The following RORA variants were observed in gnomAD, a reference collection of about 807,000 sequenced individuals.
RORA encodes nuclear receptor ROR-alpha.
A neutral mutation model predicts 69.5 loss-of-function variants in RORA; 7 were observed. The ratio of observed to expected loss-of-function variants is 0.10; its 90% CI spans 0.06 to 0.19. The LOEUF is 0.19. Ranked by LOEUF, RORA falls within the 10% of genes least tolerant of loss-of-function variation. The pLI is 1.00. For synonymous variants in RORA, 261 were observed against 240.8 expected, an observed-to-expected ratio of 1.08 and a Z score of -0.78; for missense variants, 457 against 663.0, an observed-to-expected ratio of 0.69 and a Z score of 3.41.
rs537787457 is a variant in RORA, at chr15:61,210,898, C to A, written c.166+18155G>T. Among the ~76,000 whole-genome samples the A allele has an allele frequency of 2.0e-5, 3 of 152,364 alleles. No individual in the cohort carries two copies. In the South Asian group the frequency reaches 6.2e-4, roughly 32 times the overall value. ...CAGCTATGATTCTCTTCCTACTCTT[C>A]TGCACAGAGAGGCCCTGACCCTCAG... On this transcript the variant is annotated intron_variant, in intron 1 of 10. Coordinates refer to ENST00000335670, the MANE Select transcript of RORA (RefSeq NM_134261.3).
At chr15:60,671,788 T>C (rs557917444) in intron 2 of RORA, among the ~76,000 whole-genome samples, 16 of 151,866 alleles carry the variant, frequency 1.1e-4, no homozygotes, top group Middle Eastern at 3.4e-3. Context: ...ATTTTTGTAT[T>C]TTTAGTAGCG....
intron 1 of RORA, among the ~76,000 whole-genome samples, chr15:61,160,233 G>T (rs2079482436): frequency 6.6e-6 from 1 of 152,204 alleles, no homozygotes; most frequent in African/African-American, 2.4e-5. Context: ...CAGCAAAGTT[G>T]CATAAACCTG....
intron 1 of RORA, among the ~76,000 whole-genome samples, chr15:60,732,099 A>C (rs1257198028): frequency 3.3e-5 from 5 of 152,226 alleles, no homozygotes; most frequent in Admixed American, 3.3e-4. Context: ...CTGGGTACAC[A>C]GAGTTTTCAA....
chr15:60,519,475 C>T lies in RORA; in HGVS notation c.283-4718G>A, dbSNP rs564445362. 2.6e-5 allele frequency among the ~76,000 whole-genome samples: 4 copies of T among 152,308 alleles called. No individual in the cohort carries two copies. In the East Asian group the frequency reaches 5.8e-4, roughly 22 times the overall value. ...AGTTTAACTCCAGAACTTACACTGT[C>T]ATCTTGTTTTGTTTTTCTGCTTCTC... On this transcript the variant is annotated intron_variant, in intron 3 of 10. Transcript: ENST00000335670.
intron 1 of RORA, among the ~76,000 whole-genome samples, chr15:60,883,274 A>T (rs1409385333): frequency 2.0e-5 from 3 of 152,216 alleles, no homozygotes; most frequent in African/African-American, 7.2e-5. Context: ...ATTACGAATC[A>T]TAGGAAAAGG....
intron 1 of RORA, among the ~76,000 whole-genome samples, chr15:60,963,471 T>C (rs1336042128): frequency 1.3e-5 from 2 of 152,134 alleles, no homozygotes; most frequent in Non-Finnish European, 2.9e-5. Context: ...TTATGTTAAT[T>C]TCTCTTGGGC....
At chr15:61,225,414 G>A (rs1037098984) in intron 1 of RORA, among the ~76,000 whole-genome samples, 1 of 152,122 alleles carries the variant, frequency 6.6e-6, no homozygotes, top group Admixed American at 6.5e-5. Context: ...AAAACTGAAG[G>A]GGGCAAGAGA....
intron 1 of RORA, among the ~76,000 whole-genome samples, chr15:60,879,605 G>C (rs536425861): frequency 6.6e-6 from 1 of 152,234 alleles, no homozygotes; most frequent in South Asian, 2.1e-4. Flanking sequence ...AAAAAGAACA[G>C]TTAGTTTCTA....
intron 1 of RORA, among the ~76,000 whole-genome samples, chr15:60,778,621 G>A (rs1352467796): frequency 6.6e-6 from 1 of 152,156 alleles, no homozygotes; most frequent in East Asian, 1.9e-4. Flanking sequence ...GGCCTTGAAG[G>A]TAGGGGGTCA....
At chr15:61,158,038 C>G (rs560123736) in intron 1 of RORA, among the ~76,000 whole-genome samples, 14 of 152,256 alleles carry the variant, frequency 9.2e-5, no homozygotes, top group African/African-American at 2.6e-4. Flanking sequence ...AAGCCCAACC[C>G]CAGCTGCACA....
chr15:60,987,747 T>A (rs1894249223), intron 1 of RORA, among the ~76,000 whole-genome samples: 1 of 152,178 alleles, frequency 6.6e-6, no homozygotes, highest in South Asian at 2.1e-4. Context: ...TTGTGATAAG[T>A]ACTGGGCTGC....
At chr15:61,072,005 C>A (rs760689162) in intron 1 of RORA, among the ~76,000 whole-genome samples, 1 of 151,952 alleles carries the variant, frequency 6.6e-6, no homozygotes, top group African/African-American at 2.4e-5. Context: ...TCCTCTGATT[C>A]TTTTTACTAT....
At chr15:60,994,913 G>A (rs1894486725) in intron 1 of RORA, among the ~76,000 whole-genome samples, 1 of 152,136 alleles carries the variant, frequency 6.6e-6, no homozygotes, top group Admixed American at 6.5e-5. Flanking sequence ...GCATTGGGGT[G>A]TCAAGGGCCA....
chr15:60,680,615 TTAAC>T (rs1198487850), intron 1 of RORA, among the ~76,000 whole-genome samples: 1 of 152,160 alleles, frequency 6.6e-6, no homozygotes, highest in African/African-American at 2.4e-5. Flanking sequence ...TCAGTTTTGT[TTAAC>T]TGTCAATTAA....
At chr15:61,197,375 G>A (rs1396190267) in intron 1 of RORA, among the ~76,000 whole-genome samples, 1 of 152,228 alleles carries the variant, frequency 6.6e-6, no homozygotes, top group Non-Finnish European at 1.5e-5. Context: ...ATGGTGTGGA[G>A]AAGCCTGCCA....
At chr15:61,219,751 G>T (rs1023989036) in intron 1 of RORA, among the ~76,000 whole-genome samples, 1 of 152,130 alleles carries the variant, frequency 6.6e-6, no homozygotes, top group Non-Finnish European at 1.5e-5. Flanking sequence ...GTTCAAATAG[G>T]GTGGGCTAGG....
intron 1 of RORA, among the ~76,000 whole-genome samples, chr15:61,046,081 C>G (rs115009446): frequency 1.3e-5 from 2 of 151,702 alleles, no homozygotes; most frequent in Non-Finnish European, 2.9e-5. Context: ...GATAGATCAA[C>G]GGAGAAAAGG....
At chr15:61,206,468 C>G (rs944713365) in intron 1 of RORA, among the ~76,000 whole-genome samples, 3 of 152,180 alleles carry the variant, frequency 2.0e-5, no homozygotes, top group Admixed American at 6.5e-5. Flanking sequence ...CACGACATCC[C>G]TGTTCTCAAG....
At chr15:61,056,700 A>T (rs2078101726) in intron 1 of RORA, among the ~76,000 whole-genome samples, 1 of 152,232 alleles carries the variant, frequency 6.6e-6, no homozygotes, top group Non-Finnish European at 1.5e-5. Context: ...TCTCTATTCT[A>T]GAATAAAGGC....
Sources: gnomAD v4.1 joint callset for allele counts (sites outside exome capture counted in the v4.1 genomes callset) on GRCh38, gnomAD v4.1.1 for gene constraint, MANE v1.5 for transcripts, NCBI Gene and HGNC (gene_info 2026-07-23, HGNC 2026-07-21) for gene names.